Variants in WDR70 observed in about 807,000 individuals in gnomAD.
WDR70 encodes WD repeat domain 70.
WDR70 carries 53 observed loss-of-function variants against 88.6 expected under a neutral mutation model. That is an observed-to-expected ratio of 0.60 (90% CI 0.48 to 0.75). The LOEUF (loss-of-function observed/expected upper bound fraction) is 0.75, where lower values mean the gene tolerates loss of function less well. WDR70 is among the 30% of genes least tolerant of loss of function. The pLI, the probability that WDR70 is intolerant of heterozygous loss-of-function variation, is 0.00. For synonymous variants in WDR70, 280 were observed against 270.0 expected (o/e 1.04, Z -0.36); for missense variants, 610 against 823.2 (o/e 0.74, Z 3.17).
At chr5:37,732,153 C>G (rs191941997) in intron 17 of WDR70, among the ~76,000 whole-genome samples, 1 of 152,228 alleles carries the variant, frequency 6.6e-6, no homozygotes, top group East Asian at 1.9e-4. Flanking sequence ...CCCCCAGTTC[C>G]TTCATTCTAC....
chr5:37,432,968 C>T (rs11951437), intron 5 of WDR70, among the ~76,000 whole-genome samples: 5,377 of 152,114 alleles, frequency 0.035, 327 homozygotes, highest in African/African-American at 0.12. Flanking sequence ...ATAAGATTTG[C>T]GCAAATTTTC....
intron 9 of WDR70, among the ~76,000 whole-genome samples, chr5:37,599,176 A>T (rs1018867255): frequency 6.6e-6 from 1 of 152,268 alleles, no homozygotes; most frequent in Non-Finnish European, 1.5e-5. Flanking sequence ...CTTTTAAAAA[A>T]TGCCCAAATA....
intron 10 of WDR70, among the ~76,000 whole-genome samples, chr5:37,690,660 G>C (rs1746764525): frequency 6.6e-6 from 1 of 152,188 alleles, no homozygotes; most frequent in South Asian, 2.1e-4. Flanking sequence ...AGCAAATGCT[G>C]AGAGGTTTTG....
intron 9 of WDR70, among the ~76,000 whole-genome samples, chr5:37,532,821 G>C (rs1485350059): frequency 6.6e-6 from 1 of 152,024 alleles, no homozygotes; most frequent in African/African-American, 2.4e-5. Flanking sequence ...GATCTTTTGG[G>C]GGTGTTAAAG....
At chr5:37,599,491 C>T (rs1380513983) in intron 9 of WDR70, among the ~76,000 whole-genome samples, 1 of 152,256 alleles carries the variant, frequency 6.6e-6, no homozygotes, top group African/African-American at 2.4e-5. Flanking sequence ...TACACCCTTA[C>T]ATTTATGGCC....
At chr5:37,648,466 GA>G (rs1255075291) in intron 10 of WDR70, among the ~76,000 whole-genome samples, 2 of 151,936 alleles carry the variant, frequency 1.3e-5, no homozygotes, top group African/African-American at 4.9e-5. Flanking sequence ...ACATTGACTT[GA>G]ACTACTTAAT....
Position 37,465,220 on chromosome 5 carries a change from G to T in WDR70, c.687-14614G>T, listed in dbSNP as rs1214765400. The stretch of plus-strand genomic sequence containing the variant: ...CTTTATTGTAAGGTCCTGGGCTGTG[G>T]CCCCTTTTGCTTTTCTGGGCTCCTT... On this transcript the variant is annotated intron_variant, in intron 7 of 17. Coordinates refer to ENST00000265107, the MANE Select transcript of WDR70 (RefSeq NM_018034.4). Among the ~76,000 whole-genome samples the T allele has an allele frequency of 3.9e-5, 6 of 152,294 alleles. No homozygotes were observed. The South Asian group carries it at 1.2e-3, about 32-fold the overall frequency.
At chr5:37,751,567 A>G (rs1748811628) in intron 17 of WDR70, among the ~76,000 whole-genome samples, 1 of 152,250 alleles carries the variant, frequency 6.6e-6, no homozygotes, top group South Asian at 2.1e-4. Context: ...TTTCTTGCCA[A>G]ATAAAAGGAA....
At chr5:37,553,426 T>C (rs1485872302) in intron 9 of WDR70, among the ~76,000 whole-genome samples, 4 of 152,170 alleles carry the variant, frequency 2.6e-5, no homozygotes, top group Non-Finnish European at 5.9e-5. Context: ...GGTAGTGCGG[T>C]GCTTTTTCAA....
At position 37,407,924 on chromosome 5, in the gene WDR70, T is replaced by C. The variant is rs192482061; in HGVS notation, c.492+11354T>C. 2.7e-4 allele frequency among the ~76,000 whole-genome samples: 41 copies of C among 152,252 alleles called. 1 individual carries two copies. The highest frequency in any genetic ancestry group is 2.2e-3 in the Admixed American group (34 of 15,278). ...GAGTGTGGAGCCTGTTTTAAGTGTA[T>C]ATTAGTTAGTGTATTATTAATTTGG... On this transcript the variant is annotated intron_variant, in intron 5 of 17. Coordinates refer to ENST00000265107, the MANE Select transcript of WDR70 (RefSeq NM_018034.4).
At chr5:37,399,054 G>A (rs1197262004) in intron 5 of WDR70, among the ~76,000 whole-genome samples, 2 of 152,148 alleles carry the variant, frequency 1.3e-5, no homozygotes, top group African/African-American at 2.4e-5. Context: ...CGAGATGGGC[G>A]GATCACGAGG....
At chr5:37,692,696 G>A (rs192500034) in intron 10 of WDR70, among the ~76,000 whole-genome samples, 5 of 152,204 alleles carry the variant, frequency 3.3e-5, no homozygotes, top group South Asian at 2.1e-4. Flanking sequence ...CAATAAACTC[G>A]GTATTGATGG....
intron 9 of WDR70, among the ~76,000 whole-genome samples, chr5:37,542,768 A>G (rs756945463): frequency 6.6e-6 from 1 of 152,228 alleles, no homozygotes; most frequent in African/African-American, 2.4e-5. Flanking sequence ...AGAACACAGC[A>G]ATAAAGATAC....
intron 10 of WDR70, among the ~76,000 whole-genome samples, chr5:37,632,590 A>G (rs1744846915): frequency 6.6e-6 from 1 of 152,218 alleles, no homozygotes; most frequent in African/African-American, 2.4e-5. Flanking sequence ...AAAATTTTTA[A>G]TAGACAAAAG....
At chr5:37,603,608 G>A (rs955263362) in intron 9 of WDR70, among the ~76,000 whole-genome samples, 2 of 152,124 alleles carry the variant, frequency 1.3e-5, no homozygotes, top group African/African-American at 2.4e-5. Flanking sequence ...GGGCAAAAGC[G>A]ATTGCATTGA....
chr5:37,564,294 C>T (rs890192033), intron 9 of WDR70, among the ~76,000 whole-genome samples: 1 of 152,236 alleles, frequency 6.6e-6, no homozygotes, highest in African/African-American at 2.4e-5. Context: ...GAGGCCGAGG[C>T]TGGCAGATCA....
At chr5:37,409,350 A>G (rs1397006058) in intron 5 of WDR70, among the ~76,000 whole-genome samples, 3 of 152,206 alleles carry the variant, frequency 2.0e-5, no homozygotes, top group Admixed American at 1.3e-4. Flanking sequence ...GAAGATTCCA[A>G]AAAACTAGCC....
At chr5:37,655,527 G>A (rs539532240) in intron 10 of WDR70, among the ~76,000 whole-genome samples, 1 of 152,150 alleles carries the variant, frequency 6.6e-6, no homozygotes, top group South Asian at 2.1e-4. Flanking sequence ...ATCCTGAAGA[G>A]TGTCTTCCAA....
intron 10 of WDR70, among the ~76,000 whole-genome samples, chr5:37,682,742 T>C (rs1374123462): frequency 6.6e-6 from 1 of 152,196 alleles, no homozygotes; most frequent in African/African-American, 2.4e-5. Context: ...TTTGAGTGGT[T>C]TTCTTGGTCT....
Sources: allele counts gnomAD v4.1 joint callset (sites outside exome capture counted in the v4.1 genomes callset), GRCh38; gene constraint gnomAD v4.1.1; transcripts MANE v1.5; gene names NCBI Gene and HGNC (gene_info 2026-07-23, HGNC 2026-07-21).